TENM2: variants seen among roughly 807,000 people sequenced by gnomAD.
The protein encoded by TENM2 is teneurin-2.
In TENM2, 52 loss-of-function variants were observed where a neutral mutation model predicts 245.2. The observed-to-expected ratio is 0.21, with a 90% CI of 0.17 to 0.27. TENM2 has a LOEUF of 0.27. Ranked by LOEUF, TENM2 falls within the 10% of genes least tolerant of loss-of-function variation. The pLI is 1.00. For synonymous variants in TENM2, 1,363 were observed against 1,438.9 expected, an observed-to-expected ratio of 0.95 and a Z score of 1.19; for missense variants, 3,046 against 3,666.8, an observed-to-expected ratio of 0.83 and a Z score of 4.37.
At chr5:167,627,192 T>A (rs1778564585) in intron 2 of TENM2, among the ~76,000 whole-genome samples, 1 of 152,194 alleles carries the variant, frequency 6.6e-6, no homozygotes, top group African/African-American at 2.4e-5. Context: ...AATCCATAGA[T>A]AATGGATTGA....
chr5:167,579,293 C>G (rs1774923832), intron 2 of TENM2, among the ~76,000 whole-genome samples: 1 of 152,192 alleles, frequency 6.6e-6, no homozygotes, highest in African/African-American at 2.4e-5. Flanking sequence ...TCCAGCCTGC[C>G]TCATTTGACT....
intron 2 of TENM2, among the ~76,000 whole-genome samples, chr5:167,782,240 G>T (rs1764233675): frequency 6.9e-6 from 1 of 145,806 alleles, no homozygotes; most frequent in Non-Finnish European, 1.5e-5. Flanking sequence ...TTGAACCCAG[G>T]AGGTAGAGGT....
At chr5:167,457,752 T>C (rs1766011523) in intron 2 of TENM2, among the ~76,000 whole-genome samples, 1 of 152,224 alleles carries the variant, frequency 6.6e-6, no homozygotes, top group Non-Finnish European at 1.5e-5. Flanking sequence ...ACAATCTATT[T>C]TATACCATAC....
At chr5:168,251,764 A>G (rs1389743509) in intron 27 of TENM2, among the ~76,000 whole-genome samples, 1 of 152,262 alleles carries the variant, frequency 6.6e-6, no homozygotes, top group African/African-American at 2.4e-5. Flanking sequence ...AGTACCCAGT[A>G]GCAGCAAAAG....
intron 2 of TENM2, among the ~76,000 whole-genome samples, chr5:167,828,122 TC>T (rs1768142158): frequency 6.6e-6 from 1 of 152,224 alleles, no homozygotes; most frequent in African/African-American, 2.4e-5. Context: ...AATTTAATCC[TC>T]AGGAAAGCCT....
Position 168,244,973 on chromosome 5 carries a change from G to A in TENM2, c.5817+257G>A, listed in dbSNP as rs1015159204. ...TAGTAGAGATGGGTTTCCCCACATT[G>A]GCCAGGCTGGTCTCGAATTCCTGAC... On this transcript the variant is annotated intron_variant, in intron 26 of 28. Coordinates refer to ENST00000518659, the Ensembl canonical transcript of TENM2. This position sits in a 1 kb window ranked among gnomAD's most constrained non-coding sequence, Gnocchi z 4.9. 2.6e-5 allele frequency among the ~76,000 whole-genome samples: 4 copies of A among 151,970 alleles called. No homozygotes were observed. The highest frequency in any genetic ancestry group is 6.6e-5 in the Admixed American group (1 of 15,264).
chr5:168,007,901 A>G (rs1281359026), intron 5 of TENM2, among the ~76,000 whole-genome samples: 1 of 152,124 alleles, frequency 6.6e-6, no homozygotes, highest in Admixed American at 6.5e-5. Flanking sequence ...ATTTTTTTTC[A>G]ACTGTAAGAA....
intron 2 of TENM2, among the ~76,000 whole-genome samples, chr5:167,519,450 C>T: frequency 6.6e-6 from 1 of 152,198 alleles, no homozygotes; most frequent in South Asian, 2.1e-4. Flanking sequence ...CTTTCTCAGA[C>T]ATTGAATTAT....
At chr5:167,305,080 C>T (rs1269313475) in intron 1 of TENM2, among the ~76,000 whole-genome samples, 1 of 152,160 alleles carries the variant, frequency 6.6e-6, no homozygotes, top group Non-Finnish European at 1.5e-5. Flanking sequence ...TACCTCTTTT[C>T]CTCCTCTCCA....
At position 168,182,980 on chromosome 5, in the gene TENM2, G is replaced by A. The variant is rs191279135; in HGVS notation, c.2570-7357G>A. On this transcript the variant is annotated intron_variant, in intron 13 of 28. Transcript: ENST00000518659. ...CGAGTAGCCAGAACCACAAGTGCGCGCCACCATGCCTGGCTAATTTTTGTA... is the reference window on the plus strand; with the variant it reads ...CGAGTAGCCAGAACCACAAGTGCGCACCACCATGCCTGGCTAATTTTTGTA... Among the ~76,000 whole-genome samples the A allele has an allele frequency of 1.3e-3, 197 of 152,084 alleles. 1 individual carries two copies. In the Middle Eastern group the frequency reaches 0.017, roughly 13 times the overall value.
At chr5:167,109,506 T>C in the TENM2 span, among the ~76,000 whole-genome samples, 3 of 152,198 alleles carry the variant, frequency 2.0e-5, no homozygotes, top group Non-Finnish European at 4.4e-5. Flanking sequence ...TTACCTAAAT[T>C]CAAATGCTAT....
chr5:167,267,893 C>G, the TENM2 span, among the ~76,000 whole-genome samples: 1 of 152,012 alleles, frequency 6.6e-6, no homozygotes, highest in Non-Finnish European at 1.5e-5. Context: ...TGATTTACAA[C>G]TAAGCTGCAA....
chr5:168,184,274 G>A (rs910535905), intron 13 of TENM2, among the ~76,000 whole-genome samples: 2 of 152,162 alleles, frequency 1.3e-5, no homozygotes, highest in Admixed American at 1.3e-4. Flanking sequence ...AACCATGACT[G>A]CAAAGAGTGC....
At chr5:167,945,786 C>T (rs1056403070) in intron 3 of TENM2, among the ~76,000 whole-genome samples, 7 of 152,192 alleles carry the variant, frequency 4.6e-5, no homozygotes, top group Admixed American at 1.3e-4. Flanking sequence ...CTTTCTCTGC[C>T]CTCTGTTCAG....
chr5:167,823,348 G>T (rs1767693714), intron 2 of TENM2, among the ~76,000 whole-genome samples: 1 of 152,086 alleles, frequency 6.6e-6, no homozygotes, highest in African/African-American at 2.4e-5. Context: ...GCATGTGTGT[G>T]TGCATATATG....
chr5:167,872,920 T>C (rs1000827211), intron 2 of TENM2, among the ~76,000 whole-genome samples: 1 of 152,264 alleles, frequency 6.6e-6, no homozygotes, highest in Non-Finnish European at 1.5e-5. Flanking sequence ...CCTGGAAAAT[T>C]GCACTTGAAC....
chr5:168,238,268 A>AGAAAGGAAAG lies in TENM2; in HGVS notation c.5521-6148_5521-6147insGGAAAGGAAA, dbSNP rs1554230375. Among the ~76,000 whole-genome samples the AGAAAGGAAAG allele has an allele frequency of 9.1e-5, 11 of 120,880 alleles. 1 individual carries two copies. The East Asian group carries it at 2.3e-3, about 25-fold the overall frequency. 79.3% of individuals were successfully genotyped at this position (120,880 alleles called of 152,430 possible). A position where few individuals can be genotyped will look rare whatever the true frequency, so the allele number is the denominator to read the frequency against. On this transcript the variant is annotated intron_variant, in intron 25 of 28. Coordinates refer to ENST00000518659, the Ensembl canonical transcript of TENM2. Reference sequence around the variant, plus strand: ...AGAAAAGAAAAGAAAAGAAAAGAAAAGAAAAGAAAAGAAAAGAAAAGAAAA... The same window carrying AGAAAGGAAAG: ...AGAAAAGAAAAGAAAAGAAAAGAAAAGAAAGGAAAGGAAAAGAAAAGAAAAGAAAAGAAAA...
At chr5:167,981,215 C>G (rs1458973020) in intron 4 of TENM2, among the ~76,000 whole-genome samples, 1 of 152,312 alleles carries the variant, frequency 6.6e-6, no homozygotes, top group South Asian at 2.1e-4. Flanking sequence ...CCCGCCATCC[C>G]CACCCAGGGC....
At chr5:167,758,637 G>A (rs1762461484) in intron 2 of TENM2, among the ~76,000 whole-genome samples, 1 of 152,070 alleles carries the variant, frequency 6.6e-6, no homozygotes, top group African/African-American at 2.4e-5. Flanking sequence ...ATCATTGCAT[G>A]TTAGCTTTTA....
Sources: allele counts gnomAD v4.1 joint callset (sites outside exome capture counted in the v4.1 genomes callset), GRCh38; gene constraint gnomAD v4.1.1; non-coding constraint Gnocchi (gnomAD v3.1); transcripts MANE v1.5; gene names NCBI Gene and HGNC (gene_info 2026-07-23, HGNC 2026-07-21).